Variants in LRRC4C observed in about 807,000 individuals in gnomAD.
The protein encoded by LRRC4C is leucine rich repeat containing 4C, also known as leucine-rich repeat-containing protein 4C.
Under a neutral mutation model 33.6 loss-of-function variants are expected in LRRC4C, and 5 were observed. The ratio of observed to expected loss-of-function variants is 0.15; its 90% CI spans 0.08 to 0.31. LRRC4C has a LOEUF of 0.31. Among genes scored for constraint, LRRC4C ranks in the 10% least tolerant of loss-of-function variants. The pLI, the probability that LRRC4C is intolerant of heterozygous loss-of-function variation, is 1.00. For missense variants in LRRC4C, 560 were observed against 796.7 expected, an observed-to-expected ratio of 0.70 and a Z score of 3.58; for synonymous variants, 329 against 302.0, an observed-to-expected ratio of 1.09 and a Z score of -0.93.
intron 3 of LRRC4C, among the ~76,000 whole-genome samples, chr11:40,468,985 C>T (rs1254116940): frequency 6.6e-6 from 1 of 152,056 alleles, no homozygotes; most frequent in Non-Finnish European, 1.5e-5. Flanking sequence ...TAAAAATCTG[C>T]AAAATAAAAA....
At chr11:41,006,483 A>C (rs1854762683) in intron 1 of LRRC4C, among the ~76,000 whole-genome samples, 1 of 152,144 alleles carries the variant, frequency 6.6e-6, no homozygotes, top group South Asian at 2.1e-4. Flanking sequence ...ATAATTCATT[A>C]GCATGTTTAA....
chr11:40,116,393 C>T lies in LRRC4C; in HGVS notation c.-42-59G>A, dbSNP rs1855435481. The T allele has an allele frequency of 2.7e-6, 4 of 1,488,240 alleles. No individual in the cohort carries two copies. The East Asian group carries it at 9.2e-5, about 34-fold the overall frequency. 92.2% of individuals were successfully genotyped at this position (1,488,240 alleles called of 1,614,324 possible). A position where few individuals can be genotyped will look rare whatever the true frequency, so the allele number is the denominator to read the frequency against. On this transcript the variant is annotated intron_variant, in intron 6 of 6. Coordinates refer to ENST00000528697, the MANE Select transcript of LRRC4C (RefSeq NM_001258419.2). ...GATTAGATTTATTCTAAGTGTCTTT[C>T]TGGAGTAATGTCGGTGATATAGTGT...
At chr11:40,553,586 A>G (rs924343347) in intron 3 of LRRC4C, among the ~76,000 whole-genome samples, 3 of 152,100 alleles carry the variant, frequency 2.0e-5, no homozygotes, top group African/African-American at 7.2e-5. Flanking sequence ...TGGTAATATC[A>G]GTTATTTTTG....
At chr11:41,393,618 C>G (rs988067984) in intron 1 of LRRC4C, among the ~76,000 whole-genome samples, 1 of 151,808 alleles carries the variant, frequency 6.6e-6, no homozygotes, top group East Asian at 1.9e-4. Flanking sequence ...TAAAAGCACT[C>G]AAGAAGAGTT....
At chr11:41,218,278 A>T (rs1036235413) in intron 1 of LRRC4C, among the ~76,000 whole-genome samples, 1 of 152,220 alleles carries the variant, frequency 6.6e-6, no homozygotes, top group Non-Finnish European at 1.5e-5. Context: ...TGTTCAACTT[A>T]CTTTACTTAA....
chr11:40,139,924 C>A (rs1257841342), intron 6 of LRRC4C, among the ~76,000 whole-genome samples: 1 of 152,124 alleles, frequency 6.6e-6, no homozygotes, highest in Non-Finnish European at 1.5e-5. Context: ...AAATCACTTG[C>A]TTGGGTATTA....
At chr11:41,168,691 C>T (rs1944838270) in intron 1 of LRRC4C, among the ~76,000 whole-genome samples, 2 of 151,476 alleles carry the variant, frequency 1.3e-5, no homozygotes, top group Non-Finnish European at 2.9e-5. Flanking sequence ...TGTTTGGTTT[C>T]AGAATTAAAG....
At chr11:40,246,781 A>T (rs1350085804) in intron 4 of LRRC4C, among the ~76,000 whole-genome samples, 1 of 152,210 alleles carries the variant, frequency 6.6e-6, no homozygotes, top group African/African-American at 2.4e-5. Flanking sequence ...CTACTGATTT[A>T]ACTTTAATCT....
chr11:40,392,044 A>G (rs1214303565), intron 3 of LRRC4C, among the ~76,000 whole-genome samples: 1 of 152,192 alleles, frequency 6.6e-6, no homozygotes, highest in Non-Finnish European at 1.5e-5. Context: ...AAGCCAGTAT[A>G]AAAAGGCTAC....
At position 41,244,171 on chromosome 11, in the gene LRRC4C, C is replaced by CTCTATCTATCTATCTA. The variant is rs373356899; in HGVS notation, c.-496+215244_-496+215259dup. 7.4e-3 allele frequency among the ~76,000 whole-genome samples: 1,092 copies of CTCTATCTATCTATCTA among 146,780 alleles called. 4 individuals carry two copies. The highest frequency in any genetic ancestry group is 0.02 in the South Asian group (96 of 4,724). On this transcript the variant is annotated intron_variant, in intron 1 of 6. Transcript: ENST00000528697. Reference sequence around the variant, plus strand: ...ACCATGTTAGTTTCAAGAAAGTTTTCTCTATCTATCTATCTATCTATCGAT... The same window carrying CTCTATCTATCTATCTA: ...ACCATGTTAGTTTCAAGAAAGTTTTCTCTATCTATCTATCTATCTATCTATCTATCTATCTATCGAT...
At chr11:41,074,867 CCAA>C (rs922346037) in intron 1 of LRRC4C, among the ~76,000 whole-genome samples, 10 of 152,010 alleles carry the variant, frequency 6.6e-5, no homozygotes, top group African/African-American at 1.4e-4. Context: ...ATTAAACAAA[CCAA>C]CAACAACAAT....
intron 3 of LRRC4C, among the ~76,000 whole-genome samples, chr11:40,556,563 C>T (rs966298974): frequency 6.6e-6 from 1 of 152,166 alleles, no homozygotes; most frequent in Non-Finnish European, 1.5e-5. Context: ...CCAACTGATC[C>T]TCTCATTTCT....
intron 1 of LRRC4C, among the ~76,000 whole-genome samples, chr11:41,157,749 C>T (rs536539827): frequency 8.6e-5 from 13 of 151,954 alleles, no homozygotes; most frequent in South Asian, 8.3e-4. Flanking sequence ...TTAAGCTTTA[C>T]GTTTTTAATT....
At chr11:40,427,507 CA>C (rs2137811078) in intron 3 of LRRC4C, among the ~76,000 whole-genome samples, 1 of 150,756 alleles carries the variant, frequency 6.6e-6, no homozygotes, top group East Asian at 2.0e-4. Context: ...AACTCTGTCT[CA>C]AAAAATAAAA....
chr11:40,616,031 G>C (rs538457184), intron 3 of LRRC4C, among the ~76,000 whole-genome samples: 1 of 151,486 alleles, frequency 6.6e-6, no homozygotes, highest in Admixed American at 6.6e-5. Context: ...ATCAGGATCC[G>C]GAATCTACAA....
chr11:41,188,677 G>A (rs1945804475), intron 1 of LRRC4C, among the ~76,000 whole-genome samples: 1 of 147,126 alleles, frequency 6.8e-6, no homozygotes, highest in African/African-American at 2.5e-5. Context: ...AATGAAGGGG[G>A]AGCCTAGAAA....
intron 3 of LRRC4C, chr11:40,445,857 C>T (rs958497462): frequency 4.6e-5 from 7 of 152,336 alleles, no homozygotes; most frequent in African/African-American, 1.7e-4. Flanking sequence ...TGTGAGTTAT[C>T]TGATGTCTAG....
chr11:40,193,026 C>CTTAAATG (rs1280875055), intron 5 of LRRC4C, among the ~76,000 whole-genome samples: 1 of 152,182 alleles, frequency 6.6e-6, no homozygotes, highest in African/African-American at 2.4e-5. Context: ...GTGGGTGCAG[C>CTTAAATG]TTCAGCAGAC....
chr11:41,022,139 G>GTTT (rs138056535), intron 1 of LRRC4C, among the ~76,000 whole-genome samples: 1 of 106,750 alleles, frequency 9.4e-6, no homozygotes, highest in Non-Finnish European at 2.1e-5. Context: ...TTACAATTTT[G>GTTT]TTTTATATAT....
Sources: allele counts gnomAD v4.1 joint callset (sites outside exome capture counted in the v4.1 genomes callset), GRCh38; gene constraint gnomAD v4.1.1; transcripts MANE v1.5; gene names NCBI Gene and HGNC (gene_info 2026-07-23, HGNC 2026-07-21).